FBXL7: variants seen among roughly 807,000 people sequenced by gnomAD.
FBXL7 encodes the protein F-box and leucine rich repeat protein 7.
In FBXL7, 12 loss-of-function variants were observed where a neutral mutation model predicts 38.3. That is an observed-to-expected ratio of 0.31 (90% confidence interval 0.20 to 0.51). The LOEUF is 0.51. Among genes scored for constraint, FBXL7 ranks in the 20% least tolerant of loss-of-function variants. FBXL7 has a pLI of 0.98. For missense variants in FBXL7, 567 were observed against 676.4 expected, an observed-to-expected ratio of 0.84 and a Z score of 1.79; for synonymous variants, 297 against 300.9, an observed-to-expected ratio of 0.99 and a Z score of 0.13.
chr5:15,742,538 A>G (rs753939917), intron 2 of FBXL7, among the ~76,000 whole-genome samples: 1 of 152,218 alleles, frequency 6.6e-6, no homozygotes, highest in Non-Finnish European at 1.5e-5. Flanking sequence ...GAGCAAGGCT[A>G]AAGATGCTGT....
intron 2 of FBXL7, among the ~76,000 whole-genome samples, chr5:15,882,561 G>T (rs1474322100): frequency 6.6e-6 from 1 of 152,162 alleles, no homozygotes; most frequent in Non-Finnish European, 1.5e-5. Flanking sequence ...ACACAGCCAG[G>T]ATTTCTATAA....
chr5:15,789,446 C>A (rs1737218265), intron 2 of FBXL7, among the ~76,000 whole-genome samples: 1 of 152,144 alleles, frequency 6.6e-6, no homozygotes, highest in Non-Finnish European at 1.5e-5. Context: ...CCCTTTGAGG[C>A]AACCCCATCC....
intron 1 of FBXL7, chr5:15,607,400 G>A (rs1740063320): frequency 6.6e-6 from 1 of 152,184 alleles, no homozygotes; most frequent in South Asian, 2.1e-4. Context: ...ACTCTTAAGA[G>A]TGTTGGTAAC....
chr5:15,939,170 T>C lies in FBXL7; in HGVS notation c.*1984T>C. The C allele has an allele frequency of 2.5e-6, 1 of 397,970 alleles. No individual in the cohort carries two copies. Among genetic ancestry groups the C allele is most frequent in the Non-Finnish European group, 4.4e-6 (1 of 225,644 alleles). 24.7% of individuals were successfully genotyped at this position (397,970 alleles called of 1,614,324 possible). A position where few individuals can be genotyped will look rare whatever the true frequency, so the allele number is the denominator to read the frequency against. ...CCAATCAACATCATCAAATTACATGTGTAATCAAGGCTCTGTGCCATGGGG... is the reference window on the plus strand; with the variant it reads ...CCAATCAACATCATCAAATTACATGCGTAATCAAGGCTCTGTGCCATGGGG... On this transcript the variant is annotated 3_prime_UTR_variant, in exon 4 of 4. Coordinates refer to ENST00000504595, the MANE Select transcript of FBXL7 (RefSeq NM_012304.5).
rs934396202 is a variant in FBXL7 at position 15,718,836 on chromosome 5, G to A, written c.127+102764G>A. 2.5e-4 allele frequency among the ~76,000 whole-genome samples: 38 copies of A among 152,190 alleles called. 1 individual carries two copies. Among genetic ancestry groups the A allele is most frequent in the Admixed American group, 2.5e-3 (38 of 15,286 alleles). On this transcript the variant is annotated intron_variant, in intron 2 of 3. Coordinates refer to ENST00000504595, the MANE Select transcript of FBXL7 (RefSeq NM_012304.5). Reference sequence around the variant, plus strand: ...ATGAATTTCAACTAAGAGGTGACTGGTTACAAAAGACCTTCACCGTCATTT... The same window carrying A: ...ATGAATTTCAACTAAGAGGTGACTGATTACAAAAGACCTTCACCGTCATTT...
chr5:15,595,732 A>G (rs1033279924), intron 1 of FBXL7, among the ~76,000 whole-genome samples: 1 of 152,192 alleles, frequency 6.6e-6, no homozygotes, highest in African/African-American at 2.4e-5. Context: ...GAATAGTAGC[A>G]AAAAGATGTA....
intron 2 of FBXL7, among the ~76,000 whole-genome samples, chr5:15,734,010 G>A (rs905328639): frequency 6.6e-6 from 1 of 152,124 alleles, no homozygotes; most frequent in Non-Finnish European, 1.5e-5. Flanking sequence ...AGGAGACTGG[G>A]GCAGGAGAAT....
intron 2 of FBXL7, among the ~76,000 whole-genome samples, chr5:15,668,016 G>A (rs1360748215): frequency 6.6e-6 from 1 of 152,148 alleles, no homozygotes; most frequent in Non-Finnish European, 1.5e-5. Context: ...ATGCAGACTA[G>A]TAAAGATTCA....
chr5:15,691,206 G>A (rs1579381257), intron 2 of FBXL7, among the ~76,000 whole-genome samples: 1 of 152,286 alleles, frequency 6.6e-6, no homozygotes, highest in Admixed American at 6.5e-5. Flanking sequence ...TTGATGGGCA[G>A]GTTTCCCCAC....
At chr5:15,521,621 G>A (rs137978107) in intron 1 of FBXL7, among the ~76,000 whole-genome samples, 1 of 152,264 alleles carries the variant, frequency 6.6e-6, no homozygotes, top group African/African-American at 2.4e-5. Flanking sequence ...TGTCTATTGT[G>A]AGAACACAGA....
intron 2 of FBXL7, among the ~76,000 whole-genome samples, chr5:15,725,870 G>A (rs900729095): frequency 6.6e-6 from 1 of 151,976 alleles, no homozygotes; most frequent in Non-Finnish European, 1.5e-5. Context: ...TTATTTCTGT[G>A]TTTATTAAAT....
At chr5:15,703,831 T>C (rs572195749) in intron 2 of FBXL7, among the ~76,000 whole-genome samples, 19 of 152,328 alleles carry the variant, frequency 1.2e-4, no homozygotes, top group African/African-American at 3.8e-4. Flanking sequence ...GACCTTACTT[T>C]AGCTGAAAAA....
chr5:15,523,375 G>A (rs1300429686), intron 1 of FBXL7, among the ~76,000 whole-genome samples: 2 of 152,066 alleles, frequency 1.3e-5, no homozygotes, highest in South Asian at 2.1e-4. Flanking sequence ...TGGCTAACAC[G>A]GTGAAACCCC....
rs1215066212 is a variant in FBXL7, at chr5:15,928,836, T to G, written c.739+335T>G. 6.6e-6 allele frequency among the ~76,000 whole-genome samples: 1 copy of G among 152,164 alleles called. No individual in the cohort carries two copies. Among genetic ancestry groups the G allele is most frequent in the African/African-American group, 2.4e-5 (1 of 41,428 alleles). Reference sequence around the variant, plus strand: ...CATTAACTCGTCATTTAACATTAGGTGTATCTCCACTTCTTACGGGAGTTC... The same window carrying G: ...CATTAACTCGTCATTTAACATTAGGGGTATCTCCACTTCTTACGGGAGTTC... On this transcript the variant is annotated intron_variant, in intron 3 of 3. Coordinates refer to ENST00000504595, the MANE Select transcript of FBXL7 (RefSeq NM_012304.5). The surrounding 1 kb of genome is among the most constrained non-coding windows in gnomAD (Gnocchi z 4.0).
intron 2 of FBXL7, among the ~76,000 whole-genome samples, chr5:15,746,117 G>A (rs1736008244): frequency 6.6e-6 from 1 of 152,124 alleles, no homozygotes; most frequent in Non-Finnish European, 1.5e-5. Flanking sequence ...AATGATACTA[G>A]TCAAGAGTGA....
rs1266190734 is a variant in FBXL7 at position 15,546,804 on chromosome 5, A to T, written c.37+46091A>T. Reference sequence around the variant, plus strand: ...GGGTCTCACATTCTTTGCTCACATCATATTTCTATTGGATAGATACATATG... The same window carrying T: ...GGGTCTCACATTCTTTGCTCACATCTTATTTCTATTGGATAGATACATATG... On this transcript the variant is annotated intron_variant, in intron 1 of 3. Transcript: ENST00000504595. Among the ~76,000 whole-genome samples the T allele has an allele frequency of 1.1e-4, 16 of 152,306 alleles. No individual in the cohort carries two copies. In the East Asian group the frequency reaches 3.1e-3, roughly 29 times the overall value.
At chr5:15,516,784 G>A (rs1736948714) in intron 1 of FBXL7, among the ~76,000 whole-genome samples, 1 of 152,088 alleles carries the variant, frequency 6.6e-6, no homozygotes, top group Non-Finnish European at 1.5e-5. Context: ...GGTTTTATAA[G>A]GAGCTCTTCC....
At position 15,880,404 on chromosome 5, in the gene FBXL7, C is replaced by T. The variant is rs935637294; in HGVS notation, c.128-47486C>T. The stretch of plus-strand genomic sequence containing the variant: ...CACAGGAGAAGCTGCACGTGCACCA[C>T]AGTCCAGCAGAAACACAGCTGCTTT... On this transcript the variant is annotated intron_variant, in intron 2 of 3. Coordinates refer to ENST00000504595, the MANE Select transcript of FBXL7 (RefSeq NM_012304.5). Among the ~76,000 whole-genome samples, 3 of 152,180 alleles carry T rather than the reference C, an allele frequency of 2.0e-5. No homozygotes were observed. In the East Asian group the frequency reaches 5.8e-4, roughly 29 times the overall value.
intron 2 of FBXL7, among the ~76,000 whole-genome samples, chr5:15,770,228 C>A (rs899390680): frequency 1.9e-4 from 29 of 152,066 alleles, no homozygotes; most frequent in African/African-American, 6.8e-4. Context: ...CCATGCAAAC[C>A]CTGATTTTCC....
Sources: gnomAD v4.1 joint callset for allele counts (sites outside exome capture counted in the v4.1 genomes callset) on GRCh38, gnomAD v4.1.1 for gene constraint, Gnocchi (gnomAD v3.1) non-coding constraint, MANE v1.5 for transcripts, NCBI Gene and HGNC (gene_info 2026-07-23, HGNC 2026-07-21) for gene names.